Variants in MIA2 observed in about 807,000 individuals in gnomAD.
The protein encoded by MIA2 is melanoma inhibitory activity protein 2.
A neutral mutation model predicts 167.8 loss-of-function variants in MIA2; 127 were observed. The observed-to-expected ratio is 0.76, with a 90% CI of 0.66 to 0.88. The LOEUF (loss-of-function observed/expected upper bound fraction) is 0.88, where lower values mean the gene tolerates loss of function less well. Ranked by LOEUF, MIA2 falls within the 40% of genes least tolerant of loss-of-function variation. The pLI, the probability that MIA2 is intolerant of heterozygous loss-of-function variation, is 0.00. For missense variants in MIA2, 1,690 were observed against 1,624.7 expected (o/e 1.04, Z -0.69); for synonymous variants, 552 against 541.9 (o/e 1.02, Z -0.26).
intron 25 of MIA2, among the ~76,000 whole-genome samples, chr14:39,341,578 T>TG (rs988291516): frequency 1.3e-5 from 2 of 152,096 alleles, no homozygotes; most frequent in African/African-American, 4.8e-5. Context: ...GGAGGGTAAG[T>TG]GGAGGTGTCC....
intron 17 of MIA2, among the ~76,000 whole-genome samples, chr14:39,305,617 T>G (rs2063208897): frequency 6.6e-6 from 1 of 152,214 alleles, no homozygotes; most frequent in Admixed American, 6.5e-5. Flanking sequence ...GTGGTCTTTA[T>G]GTTACAATTT....
intron 26 of MIA2, among the ~76,000 whole-genome samples, chr14:39,346,687 G>GTT (rs1218992771): frequency 1.3e-5 from 2 of 148,212 alleles, no homozygotes; most frequent in Non-Finnish European, 3.0e-5. Flanking sequence ...AATAAATAAT[G>GTT]TTATATATAT....
chr14:39,331,780 C>T (rs1267463127), intron 25 of MIA2, among the ~76,000 whole-genome samples: 4 of 152,106 alleles, frequency 2.6e-5, no homozygotes, highest in East Asian at 1.9e-4. Flanking sequence ...CATATTGGCC[C>T]CCATTCTCTT....
At chr14:39,303,456 G>C in intron 15 of MIA2, 22 bp from the exon 16 acceptor site, 2 of 1,590,162 alleles carry the variant, frequency 1.3e-6, no homozygotes, top group Non-Finnish European at 8.6e-7. Context: ...AATCATTGTT[G>C]TGCTTTTGAT....
intron 23 of MIA2, chr14:39,385,356 A>G (rs2075254834): frequency 3.2e-6 from 3 of 928,560 alleles, no homozygotes; most frequent in African/African-American, 3.3e-5. Flanking sequence ...ACTCACTTGC[A>G]CAAACAAGAC....
intron 25 of MIA2, among the ~76,000 whole-genome samples, chr14:39,333,282 G>T (rs1304799825): frequency 6.6e-6 from 1 of 152,106 alleles, no homozygotes; most frequent in Non-Finnish European, 1.5e-5. Flanking sequence ...GAGTGTTACT[G>T]GTCTTGCTGT....
rs1487657616 is a variant in MIA2, at chr14:39,240,575, T to C, written c.264T>C (p.Phe88=). 1 of 1,611,986 alleles carries C rather than the reference T, an allele frequency of 6.2e-7. No individual in the cohort carries two copies. The highest frequency in any genetic ancestry group is 8.5e-7 in the Non-Finnish European group (1 of 1,178,364). The change falls in exon 3 of 29, where the codon TTT becomes TTC. Residue 88 remains phenylalanine (F), a synonymous_variant. Coordinates refer to ENST00000640607, the MANE Select transcript of MIA2 (RefSeq NM_001329214.4). The stretch of plus-strand genomic sequence containing the variant: ...CATTTTGACAGAAAGGAAAGGAGTT[T>C]GGATATTTTCCCAGAGATGCAGTCC... ...DLWAGSKGKE[F]GYFPRDAVQI...
At chr14:39,373,027 C>T (rs533453699) in intron 23 of MIA2, among the ~76,000 whole-genome samples, 1 of 152,206 alleles carries the variant, frequency 6.6e-6, no homozygotes, top group East Asian at 1.9e-4. Context: ...GAGTTAGAGC[C>T]GTCCCTAGCA....
In MIA2 at chr14:39,247,662, A is replaced by G; in HGVS notation, c.1088A>G (p.Lys363Arg). 6.2e-7 allele frequency: 1 copy of G among 1,610,746 alleles called. No homozygotes were observed. The highest frequency in any genetic ancestry group is 8.5e-7 in the Non-Finnish European group (1 of 1,179,198). Residue 363 changes from lysine (K) to arginine (R), a missense_variant, in exon 4 of 29, where the codon AAA becomes AGA. By Grantham distance (26) the Lys-to-Arg change is conservative. Transcript: ENST00000640607. ...TGTACAGAAATATTAACAGAAAAAA[A>G]AGACACAATCACTAATGATAGCTTG... is the stretch of plus-strand genomic sequence containing the variant. ...VPCTEILTEK[K>R]DTITNDSLSL...
Sources: gnomAD v4.1 joint callset for allele counts (sites outside exome capture counted in the v4.1 genomes callset) on GRCh38, gnomAD v4.1.1 for gene constraint, MANE v1.5 for transcripts, NCBI Gene and HGNC (gene_info 2026-07-23, HGNC 2026-07-21) for gene names.